The following RARB variants were observed in gnomAD, a reference collection of about 807,000 sequenced individuals.
The protein encoded by RARB is retinoic acid receptor beta.
A neutral mutation model predicts 51.9 loss-of-function variants in RARB; 17 were observed. That is an observed-to-expected ratio of 0.33 (90% CI 0.22 to 0.49). The LOEUF (loss-of-function observed/expected upper bound fraction) is 0.49. Among genes scored for constraint, RARB ranks in the 20% least tolerant of loss-of-function variants. The pLI is 0.99. For missense variants in RARB, 369 were observed against 550.8 expected, an observed-to-expected ratio of 0.67 and a Z score of 3.30; for synonymous variants, 215 against 195.4, an observed-to-expected ratio of 1.10 and a Z score of -0.84.
chr3:25,009,025 A>C (rs1474127322), intron 2 of RARB, among the ~76,000 whole-genome samples: 1 of 152,170 alleles, frequency 6.6e-6, no homozygotes, highest in African/African-American at 2.4e-5. Flanking sequence ...TTTGCCGAAG[A>C]AGCAGAGTGA....
chr3:25,076,163 A>C (rs1219150022), intron 3 of RARB, among the ~76,000 whole-genome samples: 1 of 149,876 alleles, frequency 6.7e-6, no homozygotes, highest in East Asian at 2.0e-4. Context: ...TTTTTTTTAG[A>C]CAAAATCTCT....
At chr3:25,460,501 T>C (rs1444605160) in intron 1 of RARB, among the ~76,000 whole-genome samples, 5 of 151,876 alleles carry the variant, frequency 3.3e-5, no homozygotes, top group African/African-American at 1.2e-4. Context: ...AGGCTGGAGT[T>C]CAGTCGTACG....
intron 5 of RARB, among the ~76,000 whole-genome samples, chr3:25,401,802 A>C (rs1457165133): frequency 6.6e-6 from 1 of 152,128 alleles, no homozygotes; most frequent in African/African-American, 2.4e-5. Flanking sequence ...TTTGAGATGG[A>C]GTCTCCCTCC....
chr3:25,187,348 TC>T (rs1342304176), intron 5 of RARB, among the ~76,000 whole-genome samples: 1 of 152,074 alleles, frequency 6.6e-6, no homozygotes, highest in Non-Finnish European at 1.5e-5. Flanking sequence ...AACAGGTACT[TC>T]TTGGTGGTGC....
chr3:25,509,455 A>G (rs1175709542), intron 3 of RARB, among the ~76,000 whole-genome samples: 1 of 152,226 alleles, frequency 6.6e-6, no homozygotes, highest in Non-Finnish European at 1.5e-5. Context: ...AGAAAAGTTA[A>G]AAGTAGAGAC....
intron 3 of RARB, among the ~76,000 whole-genome samples, chr3:25,083,813 C>A (rs1699055340): frequency 6.6e-6 from 1 of 152,084 alleles, no homozygotes; most frequent in Non-Finnish European, 1.5e-5. Flanking sequence ...GGACTTTCAA[C>A]TTGGTTTTAG....
At chr3:24,970,482 A>G (rs1435367647) in intron 2 of RARB, among the ~76,000 whole-genome samples, 1 of 151,842 alleles carries the variant, frequency 6.6e-6, no homozygotes, top group Non-Finnish European at 1.5e-5. Flanking sequence ...GATACTGATA[A>G]TGGTGCAGTT....
chr3:25,161,557 C>A (rs764846732), intron 4 of RARB, among the ~76,000 whole-genome samples: 10 of 152,084 alleles, frequency 6.6e-5, no homozygotes, highest in Non-Finnish European at 1.3e-4. Context: ...TCCATACTTT[C>A]ATCGTGGTCT....
At chr3:24,859,234 T>G (rs1363174336) in intron 2 of RARB, among the ~76,000 whole-genome samples, 1 of 151,958 alleles carries the variant, frequency 6.6e-6, no homozygotes, top group Admixed American at 6.6e-5. Flanking sequence ...TTTCTCTATA[T>G]TGCAATATCT....
chr3:24,993,512 T>C (rs1696957290), intron 2 of RARB, among the ~76,000 whole-genome samples: 1 of 152,154 alleles, frequency 6.6e-6, no homozygotes, highest in East Asian at 1.9e-4. Context: ...TCTGAAATAT[T>C]GACTATGTTG....
At chr3:25,515,014 AGT>A (rs1217368816) in intron 3 of RARB, among the ~76,000 whole-genome samples, 1 of 152,194 alleles carries the variant, frequency 6.6e-6, no homozygotes, top group Non-Finnish European at 1.5e-5. Flanking sequence ...TAATGGATGC[AGT>A]GAGTGAGTTA....
At chr3:25,006,938 A>G (rs552952182) in intron 2 of RARB, among the ~76,000 whole-genome samples, 1 of 152,258 alleles carries the variant, frequency 6.6e-6, no homozygotes, top group East Asian at 1.9e-4. Context: ...ATATCCTCCA[A>G]TGTAATATTT....
chr3:25,566,299 C>A (rs1043277550), intron 3 of RARB, among the ~76,000 whole-genome samples: 1 of 152,188 alleles, frequency 6.6e-6, no homozygotes, highest in African/African-American at 2.4e-5. Flanking sequence ...GAGGGGTTGT[C>A]CCTGCATTTT....
chr3:24,986,430 C>T (rs1696795986), intron 2 of RARB, among the ~76,000 whole-genome samples: 1 of 152,102 alleles, frequency 6.6e-6, no homozygotes, highest in African/African-American at 2.4e-5. Flanking sequence ...CTAAAAAGTT[C>T]CACTTGTATG....
chr3:25,402,506 C>G (rs4681059), intron 5 of RARB, among the ~76,000 whole-genome samples: 15 of 152,110 alleles, frequency 9.9e-5, no homozygotes, highest in Admixed American at 8.5e-4. Context: ...CTGCACTCCT[C>G]TGTTTGTCCA....
chr3:24,872,755 C>A (rs1559378359), intron 2 of RARB, among the ~76,000 whole-genome samples: 1 of 152,200 alleles, frequency 6.6e-6, no homozygotes, highest in Non-Finnish European at 1.5e-5. Context: ...AACTCTAACA[C>A]TGGGGATCAC....
intron 2 of RARB, among the ~76,000 whole-genome samples, chr3:25,497,399 C>G (rs940607977): frequency 3.3e-5 from 5 of 152,196 alleles, no homozygotes; most frequent in Admixed American, 2.0e-4. Context: ...GACAGTCTCT[C>G]TTTCCTTAGT....
rs1239726067 is a variant in RARB at position 24,949,648 on chromosome 3, G to A, written c.-380+90896G>A. On this transcript the variant is annotated intron_variant, in intron 2 of 11. Transcript: ENST00000383772. ...AAACAAAATGTGACTATTTTGAGGT[G>A]AGAATATTACTTCTTGAATCCTTCA... Among the ~76,000 whole-genome samples the A allele has an allele frequency of 2.0e-5, 3 of 152,198 alleles. No individual in the cohort carries two copies. The East Asian group carries it at 5.8e-4, about 29-fold the overall frequency.
intron 2 of RARB, among the ~76,000 whole-genome samples, chr3:25,032,871 T>C (rs1380594171): frequency 6.6e-6 from 1 of 152,184 alleles, no homozygotes; most frequent in African/African-American, 2.4e-5. Flanking sequence ...TAGCAATGTT[T>C]ATAAAAAAAT....
Sources: allele counts gnomAD v4.1 joint callset (sites outside exome capture counted in the v4.1 genomes callset), GRCh38; gene constraint gnomAD v4.1.1; transcripts MANE v1.5; gene names NCBI Gene and HGNC (gene_info 2026-07-23, HGNC 2026-07-21).